ATP6V1H: variants seen among roughly 807,000 people sequenced by gnomAD.
ATP6V1H encodes V-type proton ATPase subunit H.
A neutral mutation model predicts 71.7 loss-of-function variants in ATP6V1H; 39 were observed. The ratio of observed to expected loss-of-function variants is 0.54; its 90% CI spans 0.42 to 0.71. The LOEUF is 0.71. Ranked by LOEUF, ATP6V1H falls within the 30% of genes least tolerant of loss-of-function variation. ATP6V1H has a pLI of 0.00. For synonymous variants in ATP6V1H, 192 were observed against 199.3 expected (o/e 0.96, Z 0.31); for missense variants, 509 against 594.9 (o/e 0.86, Z 1.50).
At chr8:53,720,080 A>T (rs1384582067) in intron 13 of ATP6V1H, among the ~76,000 whole-genome samples, 1 of 152,240 alleles carries the variant, frequency 6.6e-6, no homozygotes, top group Non-Finnish European at 1.5e-5. Flanking sequence ...CAATACATGA[A>T]GATCAATACA....
intron 12 of ATP6V1H, among the ~76,000 whole-genome samples, chr8:53,751,097 C>T (rs1457532931): frequency 6.6e-6 from 1 of 151,558 alleles, no homozygotes; most frequent in African/African-American, 2.4e-5. Context: ...ACCAAGCAGG[C>T]GAGTTTAGTC....
chr8:53,831,704 C>G (rs1021005054), intron 3 of ATP6V1H: 6 of 147,604 alleles, frequency 4.1e-5, no homozygotes, highest in African/African-American at 1.5e-4. Context: ...TTCATCATAT[C>G]AAAACTCTCA....
At chr8:53,819,812 G>C (rs763909502) in intron 4 of ATP6V1H, among the ~76,000 whole-genome samples, 7 of 145,984 alleles carry the variant, frequency 4.8e-5, no homozygotes, top group Non-Finnish European at 9.0e-5. Context: ...GTATATGTGT[G>C]TGTGTGTATA....
chr8:53,792,975 G>A (rs1326191179), intron 9 of ATP6V1H, among the ~76,000 whole-genome samples: 1 of 151,978 alleles, frequency 6.6e-6, no homozygotes, highest in Non-Finnish European at 1.5e-5. Flanking sequence ...AATTATATGT[G>A]GAATACATTT....
At chr8:53,819,477 A>G (rs1428642883) in intron 4 of ATP6V1H, among the ~76,000 whole-genome samples, 1 of 142,012 alleles carries the variant, frequency 7.0e-6, no homozygotes, top group Non-Finnish European at 1.5e-5. Context: ...GGTTATAGTG[A>G]GCTGAGATTG....
intron 9 of ATP6V1H, among the ~76,000 whole-genome samples, chr8:53,782,555 C>T (rs1189236756): frequency 2.0e-5 from 3 of 152,062 alleles, no homozygotes; most frequent in Non-Finnish European, 2.9e-5. Flanking sequence ...CCTGATTGCC[C>T]TGGCCATAAC....
Position 53,795,842 on chromosome 8 carries a change from GA to G in ATP6V1H, c.678-4del. On this transcript the variant is annotated splice_region_variant and splice_polypyrimidine_tract_variant and intron_variant, in intron 8 of 13. Coordinates refer to ENST00000359530, the MANE Select transcript of ATP6V1H (RefSeq NM_015941.4). ...TGTTACTCAACACTCCCATTATGCT[GA>G]AAAACAAACAAACAAAAAAAACACA... is the stretch of plus-strand genomic sequence containing the variant. The G allele has an allele frequency of 6.3e-7, 1 of 1,575,314 alleles. No homozygotes were observed.
intron 5 of ATP6V1H, 61 bp from the exon 6 acceptor site, chr8:53,814,827 C>G: frequency 8.6e-7 from 1 of 1,158,128 alleles, no homozygotes; most frequent in Non-Finnish European, 1.3e-6. Context: ...CATCATATAC[C>G]TTAAAAAAAG....
intron 9 of ATP6V1H, among the ~76,000 whole-genome samples, chr8:53,783,240 G>A (rs1809234611): frequency 6.6e-6 from 1 of 152,164 alleles, no homozygotes; most frequent in Non-Finnish European, 1.5e-5. Flanking sequence ...GGTCTATTCA[G>A]AGATTCAACT....
intron 9 of ATP6V1H, among the ~76,000 whole-genome samples, chr8:53,792,272 A>G (rs1356282706): frequency 6.6e-6 from 1 of 152,208 alleles, no homozygotes; most frequent in Non-Finnish European, 1.5e-5. Context: ...TTTTTACATG[A>G]AAAAGACTGT....
At chr8:53,817,393 G>C in intron 5 of ATP6V1H, 24 bp downstream of exon 5, 2 of 1,519,418 alleles carry the variant, frequency 1.3e-6, no homozygotes, top group Non-Finnish European at 1.8e-6. Context: ...TTTAAAAAAA[G>C]AATCCAATCA....
At chr8:53,811,488 T>A (rs77019089) in intron 6 of ATP6V1H, among the ~76,000 whole-genome samples, 14,419 of 152,112 alleles carry the variant, frequency 0.095, 1,021 homozygotes, top group East Asian at 0.37. Context: ...GTAAATTTCA[T>A]GGGTAAAGCT....
chr8:53,840,120 G>T (rs1052231357), intron 2 of ATP6V1H, among the ~76,000 whole-genome samples: 1 of 152,138 alleles, frequency 6.6e-6, no homozygotes, highest in Admixed American at 6.5e-5. Context: ...AGCCCCTTCA[G>T]GAAAATTTCC....
At chr8:53,827,057 T>C (rs1378288610) in intron 4 of ATP6V1H, among the ~76,000 whole-genome samples, 1 of 151,932 alleles carries the variant, frequency 6.6e-6, no homozygotes, top group Non-Finnish European at 1.5e-5. Flanking sequence ...GTTTTGACTT[T>C]TGGAAACATG....
intron 9 of ATP6V1H, among the ~76,000 whole-genome samples, chr8:53,778,170 C>T (rs1808960567): frequency 1.3e-5 from 2 of 152,074 alleles, no homozygotes; most frequent in Admixed American, 1.3e-4. Context: ...GTTAAAGACC[C>T]CAAAGAAATG....
At chr8:53,766,479 G>A (rs1452283782) in intron 11 of ATP6V1H, among the ~76,000 whole-genome samples, 1 of 152,190 alleles carries the variant, frequency 6.6e-6, no homozygotes, top group Non-Finnish European at 1.5e-5. Context: ...CCTGAAAAAA[G>A]AACAGGATAA....
chr8:53,781,836 A>C (rs1476752893), intron 9 of ATP6V1H, among the ~76,000 whole-genome samples: 1 of 152,142 alleles, frequency 6.6e-6, no homozygotes, highest in African/African-American at 2.4e-5. Flanking sequence ...GGTTTGTCAA[A>C]GATCAGATAG....
chr8:53,752,772 G>A (rs769690175), intron 12 of ATP6V1H, among the ~76,000 whole-genome samples: 3 of 151,986 alleles, frequency 2.0e-5, no homozygotes, highest in African/African-American at 7.2e-5. Flanking sequence ...GGATGGTCTC[G>A]ATCTCTTGAC....
rs992338033 is a variant in ATP6V1H at position 53,765,378 on chromosome 8, C to A, written c.1175+4240G>T. On this transcript the variant is annotated intron_variant, in intron 11 of 13. Coordinates refer to ENST00000359530, the MANE Select transcript of ATP6V1H (RefSeq NM_015941.4). ...TTGCGCTATTGCACTCCAGCCTGGA[C>A]AACAGAGTGAGACTCTGTCTCAAAA... Among the ~76,000 whole-genome samples the A allele has an allele frequency of 7.5e-5, 9 of 120,044 alleles. No individual in the cohort carries two copies. In the East Asian group the frequency reaches 2.4e-3, roughly 32 times the overall value. 78.8% of individuals were successfully genotyped at this position (120,044 alleles called of 152,430 possible).
Sources: gnomAD v4.1 joint callset for allele counts (sites outside exome capture counted in the v4.1 genomes callset) on GRCh38, gnomAD v4.1.1 for gene constraint, MANE v1.5 for transcripts, NCBI Gene and HGNC (gene_info 2026-07-23, HGNC 2026-07-21) for gene names.